SLC6A19: variants seen among roughly 807,000 people sequenced by gnomAD.
SLC6A19 encodes the protein solute carrier family 6 member 19, also known as sodium-dependent neutral amino acid transporter B(0)AT1.
In SLC6A19, 67 loss-of-function variants were observed where a neutral mutation model predicts 68.3. That is an observed-to-expected ratio of 0.98 (90% confidence interval 0.81 to 1.20). SLC6A19 has a LOEUF of 1.20. Ranked by LOEUF, SLC6A19 falls within the 50% of genes most tolerant of loss-of-function variation. The pLI is 0.00. For missense variants in SLC6A19, 813 were observed against 851.6 expected (o/e 0.95, Z 0.56); for synonymous variants, 392 against 374.9 (o/e 1.05, Z -0.53).
rs1745996378 is a variant in SLC6A19 at position 1,210,549 on chromosome 5, G to A, written c.449G>A (p.Trp150Ter). 1.2e-6 allele frequency: 2 copies of A among 1,613,258 alleles called. No homozygotes were observed. Among genetic ancestry groups the A allele is most frequent in the East Asian group, 2.2e-5 (1 of 44,886 alleles). The part of the protein sequence containing the change: ...LFNSFQEPLP[W>*]SDCPLNENQT... ...AACTCCTTCCAGGAGCCTCTGCCCT[G>A]GAGCGACTGCCCGCTCAACGAGAAC... Residue 150 changes from tryptophan to a stop codon, truncating the protein, a stop_gained, in exon 3 of 12, where the codon TGG becomes TAG. Transcript: ENST00000304460. LOFTEE classifies it high-confidence loss of function.
chr5:1,216,419 A>C (rs1746207432), intron 6 of SLC6A19, 139 bp from the exon 7 acceptor site: 12 of 1,280,542 alleles, frequency 9.4e-6, no homozygotes, highest in Non-Finnish European at 1.3e-5. Context: ...AGGGGCTCCG[A>C]CTGCCTCCCC....
rs1406805303 is a variant in SLC6A19 at position 1,214,294 on chromosome 5, G to A, written c.887+229G>A. 6.6e-6 allele frequency among the ~76,000 whole-genome samples: 1 copy of A among 152,082 alleles called. No homozygotes were observed. Among genetic ancestry groups the A allele is most frequent in the Non-Finnish European group, 1.5e-5 (1 of 68,000 alleles). ...GAGGGCCAGGAGCCGGGCGCCTGCAGCTTTCCCCACACCCGTCCCTCCACG... is the reference window on the plus strand; with the variant it reads ...GAGGGCCAGGAGCCGGGCGCCTGCAACTTTCCCCACACCCGTCCCTCCACG... On this transcript the variant is annotated intron_variant, in intron 6 of 11. Transcript: ENST00000304460. This position sits in a 1 kb window ranked among gnomAD's most constrained non-coding sequence, Gnocchi z 7.4.
Position 1,201,764 on chromosome 5 carries a change from G to A in SLC6A19, c.114G>A (p.Lys38=), listed in dbSNP as rs139908611. 415 of 1,612,838 alleles carry A rather than the reference G, an allele frequency of 2.6e-4. 1 individual carries two copies. The African/African-American group carries it at 4.5e-3, about 18-fold the overall frequency. The change falls in exon 1 of 12, where the codon AAG becomes AAA. Residue 38 remains lysine, a synonymous_variant. Coordinates refer to ENST00000304460, the MANE Select transcript of SLC6A19 (RefSeq NM_001003841.3). The part of the protein sequence containing the change: ...EASSRPKWDN[K]AQYMLTCLGF... ...GCTCCCGGCCGAAGTGGGACAACAA[G>A]GCGCAGTACATGCTCACCTGCCTGG...
Position 1,222,273 on chromosome 5 carries a change from T to C in SLC6A19, c.*369T>C. The C allele has an allele frequency of 1.8e-6, 1 of 566,388 alleles. No individual in the cohort carries two copies. Among genetic ancestry groups the C allele is most frequent in the East Asian group, 2.8e-5 (1 of 35,350 alleles). 35.1% of individuals were successfully genotyped at this position (566,388 alleles called of 1,614,324 possible). On this transcript the variant is annotated 3_prime_UTR_variant, in exon 12 of 12. Coordinates refer to ENST00000304460, the MANE Select transcript of SLC6A19 (RefSeq NM_001003841.3). ...ATGTGTGCGATATTTGCTGCCCGTG[T>C]GTGTGCATGTATATATAGACATACA...
chr5:1,213,106 C>T (rs1487058809), intron 4 of SLC6A19, among the ~76,000 whole-genome samples: 1 of 126,862 alleles, frequency 7.9e-6, no homozygotes, highest in East Asian at 2.6e-4. Context: ...GGCCCCCCGT[C>T]GCCCTGGGCC....
At position 1,205,489 on chromosome 5, in the gene SLC6A19, T is replaced by C. The variant is rs551401855; in HGVS notation, c.203-3257T>C. ...CATGCTGAGCCTGAGCCCCAGGGGTTGGGGATTTGAGGGTCTCCTGCCCGG... is the reference window on the plus strand; with the variant it reads ...CATGCTGAGCCTGAGCCCCAGGGGTCGGGGATTTGAGGGTCTCCTGCCCGG... On this transcript the variant is annotated intron_variant, in intron 1 of 11. Coordinates refer to ENST00000304460, the MANE Select transcript of SLC6A19 (RefSeq NM_001003841.3). Among the ~76,000 whole-genome samples, 60 of 152,180 alleles carry C rather than the reference T, an allele frequency of 3.9e-4. 1 individual carries two copies. Among genetic ancestry groups the C allele is most frequent in the Middle Eastern group, 6.8e-3 (2 of 294 alleles).
Position 1,212,627 on chromosome 5 carries a change from T to C in SLC6A19, c.663+143T>C, listed in dbSNP as rs1313144558. On this transcript the variant is annotated intron_variant, in intron 4 of 11. Transcript: ENST00000304460. The surrounding 1 kb of genome is among the most constrained non-coding windows in gnomAD (Gnocchi z 5.1). ...CAGACCCCACCAAGAGAGCTGCCTT[T>C]GCCCTTAGGCTCACTGGCCTGGGCG... The C allele has an allele frequency of 4.5e-6, 5 of 1,118,452 alleles. No homozygotes were observed. The highest frequency in any genetic ancestry group is 6.4e-6 in the Non-Finnish European group (5 of 778,618). 69.3% of individuals were successfully genotyped at this position (1,118,452 alleles called of 1,614,324 possible).
chr5:1,201,666 C>T lies in SLC6A19; in HGVS notation c.16C>T (p.Leu6=). The T allele has an allele frequency of 6.2e-7, 1 of 1,607,224 alleles. No homozygotes were observed. Residue 6 remains leucine (L), a synonymous_variant, in exon 1 of 12, where the codon CTG becomes TTG. Transcript: ENST00000304460. MVRLV[L]PNPGLDARIP... ...AGCGACCACCATGGTGAGGCTCGTG[C>T]TGCCCAACCCCGGCCTAGACGCCCG...
rs966709022 is a variant in SLC6A19, at chr5:1,219,446, G to A, written c.1379-59G>A. ...AGCCCCCAGTTGTGTGAACAGCTCT[G>A]TCCCTGGCCGTGCGTGCAGCCCCTG... On this transcript the variant is annotated intron_variant, in intron 9 of 11. Transcript: ENST00000304460. 20 of 1,599,756 alleles carry A rather than the reference G, an allele frequency of 1.3e-5. No homozygotes were observed. In the African/African-American group the frequency reaches 2.5e-4, roughly 20 times the overall value.
rs1325786893 is a variant in SLC6A19 at position 1,222,840 on chromosome 5, G to A, written c.*936G>A. 6.6e-6 allele frequency: 1 copy of A among 152,582 alleles called. No individual in the cohort carries two copies. Among genetic ancestry groups the A allele is most frequent in the Non-Finnish European group, 1.5e-5 (1 of 68,176 alleles). The allele number at this position is 152,582 out of a possible 1,614,324, so 9.5% of individuals were successfully genotyped here. ...GTGCAGAGGGGAGCAGACCACTGGG[G>A]ACGTGCTGTGCCCTGCACGTGCCCG... is the stretch of plus-strand genomic sequence containing the variant. On this transcript the variant is annotated 3_prime_UTR_variant, in exon 12 of 12. Transcript: ENST00000304460.
Position 1,214,237 on chromosome 5 carries a change from G to A in SLC6A19, c.887+172G>A, listed in dbSNP as rs1746139699. ...CCATGTGAGCTGAGTCTAGAGTGCA[G>A]CATGTGGAGGAGGGGCAGGTCTCCC... On this transcript the variant is annotated intron_variant, in intron 6 of 11. Coordinates refer to ENST00000304460, the MANE Select transcript of SLC6A19 (RefSeq NM_001003841.3). The surrounding 1 kb of genome is among the most constrained non-coding windows in gnomAD (Gnocchi z 7.4). 6.6e-6 allele frequency among the ~76,000 whole-genome samples: 1 copy of A among 152,188 alleles called. No homozygotes were observed. Among genetic ancestry groups the A allele is most frequent in the African/African-American group, 2.4e-5 (1 of 41,444 alleles).
chr5:1,211,161 T>C (rs1746017557), intron 3 of SLC6A19, among the ~76,000 whole-genome samples: 1 of 152,202 alleles, frequency 6.6e-6, no homozygotes, highest in African/African-American at 2.4e-5. Context: ...CCAGCGGGGC[T>C]TCCCTGCATG....
intron 1 of SLC6A19, among the ~76,000 whole-genome samples, chr5:1,205,061 C>T (rs1194895055): frequency 6.6e-6 from 1 of 152,130 alleles, no homozygotes; most frequent in Non-Finnish European, 1.5e-5. Flanking sequence ...CATTTGGCCA[C>T]GTCCCCACCC....
At chr5:1,205,811 C>T (rs1363870265) in intron 1 of SLC6A19, among the ~76,000 whole-genome samples, 1 of 152,206 alleles carries the variant, frequency 6.6e-6, no homozygotes, top group Admixed American at 6.5e-5. Flanking sequence ...ACCTAATGAG[C>T]AGGCCCTGCT....
At chr5:1,213,664 G>C in intron 5 of SLC6A19, 91 bp downstream of exon 5, 1 of 1,292,080 alleles carries the variant, frequency 7.7e-7, no homozygotes, top group Non-Finnish European at 1.1e-6. Flanking sequence ...TCTCACCCAC[G>C]GGGACAGGCA....
At chr5:1,201,993 G>C in intron 1 of SLC6A19, 141 bp downstream of exon 1, 1 of 1,218,904 alleles carries the variant, frequency 8.2e-7, no homozygotes, top group Non-Finnish European at 1.1e-6. Context: ...GGTGTGGGGG[G>C]AGCTGGGGCC....
At chr5:1,221,606 C>G (rs1746382944) in intron 11 of SLC6A19, 95 bp from the exon 12 acceptor site, 1 of 1,491,088 alleles carries the variant, frequency 6.7e-7, no homozygotes, top group Non-Finnish European at 9.3e-7. Flanking sequence ...CCCCACAGGA[C>G]AGGAGGTGAG....
chr5:1,218,564 G>A (rs1308209969), intron 8 of SLC6A19, among the ~76,000 whole-genome samples: 1 of 152,216 alleles, frequency 6.6e-6, no homozygotes, highest in East Asian at 1.9e-4. Context: ...TTATTAACAG[G>A]TGACTCGCGT....
rs1746406353 is a variant in SLC6A19, at chr5:1,222,198, C to A, written c.*294C>A. 1.7e-6 allele frequency: 1 copy of A among 589,988 alleles called. No homozygotes were observed. The highest frequency in any genetic ancestry group is 2.1e-5 in the South Asian group (1 of 47,770). 36.5% of individuals were successfully genotyped at this position (589,988 alleles called of 1,614,324 possible). ...GCAGATGTGTCATGTTGTGTGTGTGCATGTACATGTATGGACATTGTGTGA... is the reference window on the plus strand; with the variant it reads ...GCAGATGTGTCATGTTGTGTGTGTGAATGTACATGTATGGACATTGTGTGA... On this transcript the variant is annotated 3_prime_UTR_variant, in exon 12 of 12. Transcript: ENST00000304460.
Sources: gnomAD v4.1 joint callset for allele counts (sites outside exome capture counted in the v4.1 genomes callset) on GRCh38, gnomAD v4.1.1 for gene constraint, Gnocchi (gnomAD v3.1) non-coding constraint, MANE v1.5 for transcripts, NCBI Gene and HGNC (gene_info 2026-07-23, HGNC 2026-07-21) for gene names.